Variants in NFATC2 observed in about 807,000 individuals in gnomAD.
NFATC2 encodes the protein nuclear factor of activated T cells 2.
NFATC2 carries 22 observed loss-of-function variants against 87.3 expected under a neutral mutation model. The ratio of observed to expected loss-of-function variants is 0.25; its 90% CI spans 0.18 to 0.36. The LOEUF (loss-of-function observed/expected upper bound fraction) is 0.36, where lower values mean the gene tolerates loss of function less well. Among genes scored for constraint, NFATC2 ranks in the 10% least tolerant of loss-of-function variants. The pLI is 1.00. For missense variants in NFATC2, 1,149 were observed against 1,259.1 expected, an observed-to-expected ratio of 0.91 and a Z score of 1.32; for synonymous variants, 565 against 542.2, an observed-to-expected ratio of 1.04 and a Z score of -0.58.
chr20:51,411,645 A>C (rs779417056), intron 9 of NFATC2, among the ~76,000 whole-genome samples: 4 of 142,498 alleles, frequency 2.8e-5, no homozygotes, highest in Non-Finnish European at 6.0e-5. Flanking sequence ...CTCCTGCCCC[A>C]GCCTCCTGAG....
intron 1 of NFATC2, among the ~76,000 whole-genome samples, chr20:51,561,120 G>A (rs566128179): frequency 7.0e-6 from 1 of 143,550 alleles, no homozygotes; most frequent in East Asian, 2.0e-4. Context: ...CAGATGATAC[G>A]ATATCAGTAA....
chr20:51,423,241 G>A (rs1981217869), intron 9 of NFATC2, among the ~76,000 whole-genome samples: 1 of 150,554 alleles, frequency 6.6e-6, no homozygotes, highest in Admixed American at 6.6e-5. Context: ...AGTGAGCTAT[G>A]GGGGCACCAC....
intron 5 of NFATC2, among the ~76,000 whole-genome samples, chr20:51,463,948 T>G (rs1987406985): frequency 6.6e-6 from 1 of 151,760 alleles, no homozygotes; most frequent in African/African-American, 2.4e-5. Context: ...ACTATTTCAA[T>G]CAGCAAAGAA....
chr20:51,556,725 C>A (rs898121487), intron 1 of NFATC2, among the ~76,000 whole-genome samples: 2 of 152,088 alleles, frequency 1.3e-5, no homozygotes, highest in Non-Finnish European at 2.9e-5. Flanking sequence ...TGAGGAGGAG[C>A]GATAGCACAG....
chr20:51,413,470 C>G (rs576113986), intron 9 of NFATC2, among the ~76,000 whole-genome samples: 2 of 152,208 alleles, frequency 1.3e-5, no homozygotes, highest in Admixed American at 6.5e-5. Context: ...TCAAAAAAAC[C>G]TAAAGAGGCG....
At chr20:51,477,738 AC>A (rs1049733988) in intron 3 of NFATC2, among the ~76,000 whole-genome samples, 2 of 151,294 alleles carry the variant, frequency 1.3e-5, no homozygotes, top group African/African-American at 4.9e-5. Context: ...ACTCACGAAG[AC>A]CCCACTCTTC....
chr20:51,524,108 C>G lies in NFATC2; in HGVS notation c.133G>C (p.Glu45Gln). The G allele has an allele frequency of 6.9e-7, 1 of 1,452,042 alleles. No individual in the cohort carries two copies. The highest frequency in any genetic ancestry group is 9.1e-7 in the Non-Finnish European group (1 of 1,104,700). 89.9% of individuals were successfully genotyped at this position (1,452,042 alleles called of 1,614,324 possible). ...DYEYLNPNEE[E>Q]PNAHKVASPP... ...CTGGCGACCTTATGTGCATTCGGCT[C>G]TTCTGGAAAGAGAAGGGGGAAGGGG... The change falls in exon 2 of 11, where the codon GAG (glutamate) becomes CAG (glutamine). Residue 45 changes from glutamate to glutamine, a missense_variant and splice_region_variant. Glu to Gln is a conservative substitution (Grantham distance 29). Coordinates refer to ENST00000371564, the MANE Select transcript of NFATC2 (RefSeq NM_012340.5). This position sits in a 1 kb window ranked among gnomAD's most constrained non-coding sequence, Gnocchi z 4.0.
Position 51,561,472 on chromosome 20 carries a change from AAAGAAAGAAAGAAAGCAAGC to A in NFATC2, c.70+1068_70+1087del, listed in dbSNP as rs1430413932. Among the ~76,000 whole-genome samples, 256 of 137,488 alleles carry A rather than the reference AAAGAAAGAAAGAAAGCAAGC, an allele frequency of 1.9e-3. 1 individual carries two copies. The highest frequency in any genetic ancestry group is 6.7e-3 in the South Asian group (27 of 4,058). The allele number at this position is 137,488 out of a possible 152,430, so 90.2% of individuals were successfully genotyped here. A position where few individuals can be genotyped will look rare whatever the true frequency, so the allele number is the denominator to read the frequency against. On this transcript the variant is annotated intron_variant, in intron 1 of 10. Coordinates refer to the NFATC2 transcript ENST00000414705. ...GAAAGAAAGAAAGAAAGAAAGAAAG[AAAGAAAGAAAGAAAGCAAGC>A]AAGCAAGCAAGCAAGCAAGCAAGCA...
chr20:51,541,556 G>A lies in NFATC2; in HGVS notation c.130+814C>T, dbSNP rs185322520. Among the ~76,000 whole-genome samples, 812 of 152,252 alleles carry A rather than the reference G, an allele frequency of 5.3e-3. 4 individuals are homozygous for A. The highest frequency in any genetic ancestry group is 6.5e-3 in the Non-Finnish European group (439 of 68,024). On this transcript the variant is annotated intron_variant, in intron 1 of 10. Coordinates refer to ENST00000371564, the MANE Select transcript of NFATC2 (RefSeq NM_012340.5). Reference sequence around the variant, plus strand: ...AGCCCCCAGCAACTGAGGGCAGTTGGAGGCACAGAGTGACAAAGTTCAGGC... The same window carrying A: ...AGCCCCCAGCAACTGAGGGCAGTTGAAGGCACAGAGTGACAAAGTTCAGGC...
chr20:51,508,449 C>A (rs1429680115), intron 3 of NFATC2, among the ~76,000 whole-genome samples: 3 of 152,140 alleles, frequency 2.0e-5, no homozygotes, highest in Non-Finnish European at 4.4e-5. Flanking sequence ...ACGGGTGTAC[C>A]TGGTTTGGAC....
intron 5 of NFATC2, among the ~76,000 whole-genome samples, chr20:51,470,214 G>A (rs900279034): frequency 6.6e-5 from 10 of 152,162 alleles, no homozygotes; most frequent in Admixed American, 1.3e-4. Context: ...TCTACATGGA[G>A]TGGGAAGGGG....
At chr20:51,435,336 G>T (rs752128028) in intron 7 of NFATC2, 22 bp from the exon 8 acceptor site, 265 of 1,613,824 alleles carry the variant, frequency 1.6e-4, no homozygotes, top group Non-Finnish European at 2.2e-4. Flanking sequence ...GAGTTGTCAT[G>T]AACTTAACTG....
At chr20:51,399,683 C>T (rs1987779714) in intron 9 of NFATC2, among the ~76,000 whole-genome samples, 1 of 152,136 alleles carries the variant, frequency 6.6e-6, no homozygotes, top group Non-Finnish European at 1.5e-5. Flanking sequence ...AGCACTTCAT[C>T]TCTCCTCCTT....
At position 51,524,484 on chromosome 20, in the gene NFATC2, C is replaced by T. The variant is rs985801773; in HGVS notation, c.131-374G>A. On this transcript the variant is annotated intron_variant, in intron 1 of 10. Coordinates refer to ENST00000371564, the MANE Select transcript of NFATC2 (RefSeq NM_012340.5). The surrounding 1 kb of genome is among the most constrained non-coding windows in gnomAD (Gnocchi z 4.0). ...ATACTTACCCCTGCTACATGACACC[C>T]TCAGACCCTCCCTCCTGCCTGAGTG... is the stretch of plus-strand genomic sequence containing the variant. Among the ~76,000 whole-genome samples, 4 of 152,208 alleles carry T rather than the reference C, an allele frequency of 2.6e-5. No individual in the cohort carries two copies. Among genetic ancestry groups the T allele is most frequent in the African/African-American group, 9.6e-5 (4 of 41,452 alleles).
intron 3 of NFATC2, among the ~76,000 whole-genome samples, chr20:51,503,884 C>T (rs990150938): frequency 1.3e-5 from 2 of 152,234 alleles, no homozygotes; most frequent in African/African-American, 2.4e-5. Context: ...TGCTCTGTCA[C>T]CCAGGCTGGA....
At chr20:51,459,542 C>T (rs1182283692) in intron 5 of NFATC2, among the ~76,000 whole-genome samples, 2 of 152,164 alleles carry the variant, frequency 1.3e-5, no homozygotes, top group African/African-American at 4.8e-5. Context: ...GCTGTGTGGC[C>T]TTCGAGTGGC....
At position 51,475,324 on chromosome 20, in the gene NFATC2, T is replaced by A. The variant is rs542349260; in HGVS notation, c.1535+134A>T. On this transcript the variant is annotated intron_variant, in intron 4 of 10. Coordinates refer to ENST00000371564, the MANE Select transcript of NFATC2 (RefSeq NM_012340.5). ...TAAAACAGAAATCACAACGGGTCGATGGATCACAGACTGAGAACTGCCATC... is the reference window on the plus strand; with the variant it reads ...TAAAACAGAAATCACAACGGGTCGAAGGATCACAGACTGAGAACTGCCATC... The A allele has an allele frequency of 7.9e-4, 665 of 840,012 alleles. 12 individuals carry two copies. The South Asian group carries it at 8.4e-3, about 11-fold the overall frequency. The allele number at this position is 840,012 out of a possible 1,614,324, so 52.0% of individuals were successfully genotyped here. A position where few individuals can be genotyped will look rare whatever the true frequency, so the allele number is the denominator to read the frequency against.
At chr20:51,475,689 G>A (rs1400372105) in intron 3 of NFATC2, 29 bp from the exon 4 acceptor site, 5 of 1,610,386 alleles carry the variant, frequency 3.1e-6, no homozygotes, top group African/African-American at 1.3e-5. Context: ...AAATCATTAA[G>A]GTGCGGGGTG....
At chr20:51,534,653 G>C (rs1184287195) in intron 1 of NFATC2, among the ~76,000 whole-genome samples, 1 of 152,156 alleles carries the variant, frequency 6.6e-6, no homozygotes, top group Non-Finnish European at 1.5e-5. Flanking sequence ...TTTAAAATAT[G>C]CATCACTTAC....
Sources: allele counts gnomAD v4.1 joint callset (sites outside exome capture counted in the v4.1 genomes callset), GRCh38; gene constraint gnomAD v4.1.1; non-coding constraint Gnocchi (gnomAD v3.1); transcripts MANE v1.5; gene names NCBI Gene and HGNC (gene_info 2026-07-23, HGNC 2026-07-21).